The following WWOX variants were observed in gnomAD, a reference collection of about 807,000 sequenced individuals.
WWOX encodes the protein WW domain containing oxidoreductase, also known as WW domain-containing oxidoreductase.
A neutral mutation model predicts 46.2 loss-of-function variants in WWOX; 69 were observed. The observed-to-expected ratio is 1.49, with a 90% CI of 1.23 to 1.82. The LOEUF (loss-of-function observed/expected upper bound fraction) is 1.82, where lower values mean the gene tolerates loss of function less well. WWOX is among the 40% of genes most tolerant of loss of function. WWOX has a pLI of 0.00. For missense variants in WWOX, 919 were observed against 542.6 expected, an observed-to-expected ratio of 1.69 and a Z score of -6.89; for synonymous variants, 359 against 202.6, an observed-to-expected ratio of 1.77 and a Z score of -6.56.
chr16:78,555,586 T>TG (rs1045798902), intron 8 of WWOX, among the ~76,000 whole-genome samples: 1 of 12,398 alleles, frequency 8.1e-5, no homozygotes, highest in African/African-American at 9.9e-5. Context: ...GGAGTGCCAC[T>TG]TTTTTTTTTT....
intron 8 of WWOX, among the ~76,000 whole-genome samples, chr16:78,921,653 A>T (rs2045382571): frequency 6.6e-6 from 1 of 152,204 alleles, no homozygotes; most frequent in South Asian, 2.1e-4. Context: ...TCATGGAGGT[A>T]AGAGAGGAAT....
At chr16:79,176,818 G>A (rs1324971945) in intron 8 of WWOX, among the ~76,000 whole-genome samples, 1 of 152,042 alleles carries the variant, frequency 6.6e-6, no homozygotes, top group Admixed American at 6.5e-5. Context: ...AAAGACCCCT[G>A]GAAAAGAGTA....
At chr16:79,071,577 C>G (rs1597347146) in intron 8 of WWOX, among the ~76,000 whole-genome samples, 1 of 152,244 alleles carries the variant, frequency 6.6e-6, no homozygotes, top group Admixed American at 6.5e-5. Flanking sequence ...AAAGGCTTCA[C>G]TGGCTCTCTG....
At chr16:78,143,711 T>C (rs1401054142) in intron 4 of WWOX, among the ~76,000 whole-genome samples, 1 of 151,964 alleles carries the variant, frequency 6.6e-6, no homozygotes, top group African/African-American at 2.4e-5. Flanking sequence ...TTTTCAGAAT[T>C]ATTAAGAAAA....
intron 8 of WWOX, among the ~76,000 whole-genome samples, chr16:78,685,995 A>G: frequency 6.6e-6 from 1 of 152,162 alleles, no homozygotes; most frequent in East Asian, 1.9e-4. Context: ...GGGAATTTGA[A>G]ATGGAAATAA....
chr16:78,132,110 C>T (rs549046658), intron 4 of WWOX, among the ~76,000 whole-genome samples: 11 of 151,084 alleles, frequency 7.3e-5, no homozygotes, highest in African/African-American at 2.4e-4. Flanking sequence ...CTGCAAGCTC[C>T]ACCTCCCGGG....
At chr16:78,753,310 C>G (rs1372028675) in intron 8 of WWOX, among the ~76,000 whole-genome samples, 1 of 151,448 alleles carries the variant, frequency 6.6e-6, no homozygotes, top group African/African-American at 2.4e-5. Context: ...CAGAGTGAGA[C>G]TCCGTCTCAA....
intron 8 of WWOX, among the ~76,000 whole-genome samples, chr16:78,845,219 A>C (rs1257897246): frequency 6.6e-6 from 1 of 151,850 alleles, no homozygotes; most frequent in Non-Finnish European, 1.5e-5. Context: ...ACTGTGAAAA[A>C]ATACTGCCTA....
chr16:78,405,200 A>G (rs918324141), intron 6 of WWOX, among the ~76,000 whole-genome samples: 3 of 152,218 alleles, frequency 2.0e-5, no homozygotes, highest in Admixed American at 1.3e-4. Context: ...GGAATTCACT[A>G]TAAGAAGTTG....
At chr16:78,452,039 T>G (rs1437281653) in intron 8 of WWOX, among the ~76,000 whole-genome samples, 1 of 152,252 alleles carries the variant, frequency 6.6e-6, no homozygotes, top group Non-Finnish European at 1.5e-5. Flanking sequence ...ATATTCACCT[T>G]GTTCTCTGCA....
intron 8 of WWOX, among the ~76,000 whole-genome samples, chr16:78,588,895 A>T (rs2151599368): frequency 6.6e-6 from 1 of 152,146 alleles, no homozygotes; most frequent in East Asian, 1.9e-4. Flanking sequence ...GAAGAAGAGG[A>T]GGAGGAGGAA....
At chr16:78,740,110 C>T (rs1567528299) in intron 8 of WWOX, among the ~76,000 whole-genome samples, 1 of 152,084 alleles carries the variant, frequency 6.6e-6, no homozygotes. Context: ...CTGCATTCGC[C>T]CCATGCCATG....
chr16:78,757,090 C>T lies in WWOX; in HGVS notation c.1056+324338C>T, dbSNP rs1231989273. ...AGGTGATTGCAGCCTTTGCTGCAAT[C>T]TTGACTGGAACTTTATTTGAGCCCC... On this transcript the variant is annotated intron_variant, in intron 8 of 8. Transcript: ENST00000566780. 4.3e-6 allele frequency: 3 copies of T among 697,262 alleles called. No individual in the cohort carries two copies. In the East Asian group the frequency reaches 8.1e-5, roughly 19 times the overall value. 43.2% of individuals were successfully genotyped at this position (697,262 alleles called of 1,614,324 possible). A position where few individuals can be genotyped will look rare whatever the true frequency, so the allele number is the denominator to read the frequency against.
At chr16:78,487,506 G>T (rs992381079) in intron 8 of WWOX, among the ~76,000 whole-genome samples, 1 of 152,164 alleles carries the variant, frequency 6.6e-6, no homozygotes, top group African/African-American at 2.4e-5. Context: ...GTTTGCGAGA[G>T]GCATGGCTCC....
At chr16:78,416,516 G>C (rs761770721) in intron 6 of WWOX, among the ~76,000 whole-genome samples, 6 of 152,216 alleles carry the variant, frequency 3.9e-5, no homozygotes, top group African/African-American at 7.2e-5. Flanking sequence ...AATTTGGTGA[G>C]AGAGGAAAGG....
intron 5 of WWOX, among the ~76,000 whole-genome samples, chr16:78,211,046 A>G (rs2036544382): frequency 6.6e-6 from 1 of 152,210 alleles, no homozygotes; most frequent in Admixed American, 6.5e-5. Flanking sequence ...CATTTTTAGA[A>G]TTGTGGGCAA....
At chr16:78,819,442 A>G (rs1315141230) in intron 8 of WWOX, among the ~76,000 whole-genome samples, 1 of 152,218 alleles carries the variant, frequency 6.6e-6, no homozygotes, top group African/African-American at 2.4e-5. Context: ...TTCCATGACA[A>G]TGACCCAACA....
chr16:78,454,394 T>G (rs1342759135), intron 8 of WWOX, among the ~76,000 whole-genome samples: 2 of 133,212 alleles, frequency 1.5e-5, no homozygotes, highest in Non-Finnish European at 3.1e-5. Context: ...TATATGCATG[T>G]GTGTGTATTT....
intron 8 of WWOX, among the ~76,000 whole-genome samples, chr16:78,764,430 T>A (rs2049877748): frequency 6.6e-6 from 1 of 151,028 alleles, no homozygotes; most frequent in Non-Finnish European, 1.5e-5. Flanking sequence ...GAAATTGGTA[T>A]GGTAGGGAGG....
Sources: gnomAD v4.1 joint callset for allele counts (sites outside exome capture counted in the v4.1 genomes callset) on GRCh38, gnomAD v4.1.1 for gene constraint, MANE v1.5 for transcripts, NCBI Gene and HGNC (gene_info 2026-07-23, HGNC 2026-07-21) for gene names.